ARHGAP39: variants seen among roughly 807,000 people sequenced by gnomAD.
ARHGAP39 encodes Rho GTPase activating protein 39, also known as rho GTPase-activating protein 39.
A neutral mutation model predicts 106.9 loss-of-function variants in ARHGAP39; 44 were observed. The observed-to-expected ratio is 0.41, with a 90% CI of 0.32 to 0.53. The LOEUF is 0.53. Ranked by LOEUF, ARHGAP39 falls within the 20% of genes least tolerant of loss-of-function variation. The pLI, the probability that ARHGAP39 is intolerant of heterozygous loss-of-function variation, is 0.21. For synonymous variants in ARHGAP39, 768 were observed against 693.2 expected (o/e 1.11, Z -1.69); for missense variants, 1,496 against 1,577.3 (o/e 0.95, Z 0.87).
chr8:144,615,782 C>A (rs1287231378), intron 1 of ARHGAP39, among the ~76,000 whole-genome samples: 6 of 152,256 alleles, frequency 3.9e-5, no homozygotes, highest in African/African-American at 1.4e-4. Flanking sequence ...GAGCTGGAGA[C>A]ACAAGGCCCC....
intron 1 of ARHGAP39, among the ~76,000 whole-genome samples, chr8:144,653,323 T>G (rs981189363): frequency 2.6e-5 from 4 of 151,806 alleles, no homozygotes; most frequent in African/African-American, 9.7e-5. Context: ...TAAAAGAAAA[T>G]TATTGAAATA....
In ARHGAP39 at chr8:144,644,059, C is replaced by T. The variant is rs971524353; in HGVS notation, c.-81-38364G>A. 2.2e-4 allele frequency among the ~76,000 whole-genome samples: 34 copies of T among 152,126 alleles called. No individual in the cohort carries two copies. The highest frequency in any genetic ancestry group is 7.2e-4 in the African/African-American group (30 of 41,402). On this transcript the variant is annotated intron_variant, in intron 1 of 11. Transcript: ENST00000377307. This position sits in a 1 kb window ranked among gnomAD's most constrained non-coding sequence, Gnocchi z 4.8. ...ACCACGTGACCCAGCAATTCCACTCCCAGGAATCTAGTCGGGAGACATGAA... is the reference window on the plus strand; with the variant it reads ...ACCACGTGACCCAGCAATTCCACTCTCAGGAATCTAGTCGGGAGACATGAA...
At chr8:144,566,856 A>G (rs1016241417) in intron 3 of ARHGAP39, among the ~76,000 whole-genome samples, 4 of 147,910 alleles carry the variant, frequency 2.7e-5, no homozygotes, top group African/African-American at 1.1e-4. Context: ...CTCCATCTCA[A>G]AAAAAGAAAA....
chr8:144,544,751 C>T (rs1817337749), intron 6 of ARHGAP39, among the ~76,000 whole-genome samples: 1 of 152,246 alleles, frequency 6.6e-6, no homozygotes, highest in Non-Finnish European at 1.5e-5. Flanking sequence ...AGCTCAGGTG[C>T]TGCGTGACCT....
In ARHGAP39 at chr8:144,581,297, A is replaced by T. The variant is rs2620647; in HGVS notation, c.81-20T>A. 1 of 1,530,624 alleles carries T rather than the reference A, an allele frequency of 6.5e-7. No homozygotes were observed. The highest frequency in any genetic ancestry group is 1.2e-5 in the South Asian group (1 of 81,178). The allele number at this position is 1,530,624 out of a possible 1,614,324, so 94.8% of individuals were successfully genotyped here. On this transcript the variant is annotated intron_variant, in intron 2 of 11. Transcript: ENST00000377307. ...TCCAACCTGGGGAGAGACAGGGTTA[A>T]GGCGGCTGGAGCCACGGCGGCCTGG... is the stretch of plus-strand genomic sequence containing the variant.
At chr8:144,554,360 C>A (rs1234711779) in intron 4 of ARHGAP39, among the ~76,000 whole-genome samples, 1 of 152,224 alleles carries the variant, frequency 6.6e-6, no homozygotes, top group Non-Finnish European at 1.5e-5. Flanking sequence ...GTCCTCCTCA[C>A]CTCACCTGGG....
At position 144,547,451 on chromosome 8, in the gene ARHGAP39, C is replaced by A; in HGVS notation, c.1635G>T (p.Gly545=). 1 of 1,566,166 alleles carries A rather than the reference C, an allele frequency of 6.4e-7. No individual in the cohort carries two copies. The highest frequency in any genetic ancestry group is 8.6e-7 in the Non-Finnish European group (1 of 1,162,798). The part of the protein sequence containing the change: ...PVKRAEGEAE[G]ARGAAEPFLA... ...GGAAGGGCTCGGCCGCGCCCCGCGC[C>A]CCTTCGGCCTCACCTTCCGCTCGCT... The change falls in exon 5 of 12, where the codon GGG becomes GGT. Residue 545 remains glycine (G), a synonymous_variant. Transcript: ENST00000377307. This position sits in a 1 kb window ranked among gnomAD's most constrained non-coding sequence, Gnocchi z 5.2.
In ARHGAP39 at chr8:144,683,814, TTTACATTACA is replaced by T. The variant is rs1434553472; in HGVS notation, c.-82+1862_-82+1871del. 1.1e-4 allele frequency among the ~76,000 whole-genome samples: 17 copies of T among 152,136 alleles called. No individual in the cohort carries two copies. In the South Asian group the frequency reaches 3.1e-3, roughly 28 times the overall value. On this transcript the variant is annotated intron_variant, in intron 1 of 11. Transcript: ENST00000377307. ...CTTCCAGCTTAATGTAAACTTCCAGTTTACATTACATTGGCAGTGCTGGAGAAACTGAAGA... is the reference window on the plus strand; with the variant it reads ...CTTCCAGCTTAATGTAAACTTCCAGTTTGGCAGTGCTGGAGAAACTGAAGA...
chr8:144,658,415 C>T lies in ARHGAP39; in HGVS notation c.-82+27271G>A, dbSNP rs537427248. The stretch of plus-strand genomic sequence containing the variant: ...TCAGCCTCCCAAGTAGCTGGGATTA[C>T]AGGCATGTGCCACCATGCCCAGCTA... On this transcript the variant is annotated intron_variant, in intron 1 of 11. Coordinates refer to ENST00000377307, the MANE Select transcript of ARHGAP39 (RefSeq NM_025251.3). 2.8e-4 allele frequency among the ~76,000 whole-genome samples: 42 copies of T among 152,280 alleles called. 1 individual carries two copies. In the South Asian group the frequency reaches 8.7e-3, roughly 32 times the overall value.
At chr8:144,558,428 G>T (rs1444505419) in intron 3 of ARHGAP39, among the ~76,000 whole-genome samples, 2 of 152,018 alleles carry the variant, frequency 1.3e-5, no homozygotes, top group Non-Finnish European at 2.9e-5. Context: ...AAGTAGCTGG[G>T]ACTATAGGCA....
At position 144,557,241 on chromosome 8, in the gene ARHGAP39, CAAAGGCTGAACCTTCGTAGTATTCAGT is replaced by C. The variant is rs1329681848; in HGVS notation, c.513-1625_513-1599del. Among the ~76,000 whole-genome samples, 21 of 146,302 alleles carry C rather than the reference CAAAGGCTGAACCTTCGTAGTATTCAGT, an allele frequency of 1.4e-4. 4 individuals are homozygous for C. Among genetic ancestry groups the C allele is most frequent in the African/African-American group, 3.8e-4 (14 of 36,972 alleles). On this transcript the variant is annotated intron_variant, in intron 3 of 11. Coordinates refer to ENST00000377307, the MANE Select transcript of ARHGAP39 (RefSeq NM_025251.3). ...GCTGAACCTTCGTAGTATTCAGAGGCAAAGGCTGAACCTTCGTAGTATTCAGTGGCAAAGGCTGAACCTTCGTAGTAT... is the reference window on the plus strand; with the variant it reads ...GCTGAACCTTCGTAGTATTCAGAGGCGGCAAAGGCTGAACCTTCGTAGTAT...
At chr8:144,562,071 C>T (rs867474608) in intron 3 of ARHGAP39, among the ~76,000 whole-genome samples, 1 of 129,236 alleles carries the variant, frequency 7.7e-6, no homozygotes, top group African/African-American at 3.8e-5. Context: ...ATCGGACTTA[C>T]TCCAGTGGTT....
intron 1 of ARHGAP39, among the ~76,000 whole-genome samples, chr8:144,610,638 G>T (rs910799986): frequency 6.6e-6 from 1 of 151,972 alleles, no homozygotes; most frequent in South Asian, 2.1e-4. Context: ...CGTGAACCTG[G>T]GAGGCAGAGC....
intron 1 of ARHGAP39, among the ~76,000 whole-genome samples, chr8:144,655,225 G>A (rs544969719): frequency 6.6e-6 from 1 of 152,266 alleles, no homozygotes; most frequent in African/African-American, 2.4e-5. Flanking sequence ...GGACTGGAGT[G>A]GGAAGTTGTG....
At chr8:144,532,259 T>G (rs758403004) in intron 10 of ARHGAP39, 46 bp downstream of exon 10, 22 of 1,590,084 alleles carry the variant, frequency 1.4e-5, no homozygotes, top group Non-Finnish European at 1.9e-5. Flanking sequence ...TGAGAACCAC[T>G]GCCTGAGCCA....
the ARHGAP39 span, among the ~76,000 whole-genome samples, chr8:144,696,330 G>A: frequency 6.8e-6 from 1 of 147,594 alleles, no homozygotes; most frequent in Non-Finnish European, 1.5e-5. Context: ...GTAGAGACGG[G>A]GTTTCGCCAC....
At chr8:144,549,248 C>T (rs1233948326) in intron 4 of ARHGAP39, among the ~76,000 whole-genome samples, 1 of 152,262 alleles carries the variant, frequency 6.6e-6, no homozygotes, top group African/African-American at 2.4e-5. Context: ...GGCACTGGTC[C>T]TGTGTCCACA....
At chr8:144,595,927 C>T (rs969035068) in intron 2 of ARHGAP39, among the ~76,000 whole-genome samples, 5 of 152,166 alleles carry the variant, frequency 3.3e-5, no homozygotes, top group Admixed American at 2.6e-4. Context: ...CTCTTTGCCA[C>T]GCTGCTCCTC....
At chr8:144,648,743 C>T (rs902214008) in intron 1 of ARHGAP39, among the ~76,000 whole-genome samples, 7 of 152,236 alleles carry the variant, frequency 4.6e-5, no homozygotes, top group Admixed American at 1.3e-4. Context: ...GCTAGCTGAG[C>T]TGAATGACTT....
Sources: gnomAD v4.1 joint callset for allele counts (sites outside exome capture counted in the v4.1 genomes callset) on GRCh38, gnomAD v4.1.1 for gene constraint, Gnocchi (gnomAD v3.1) non-coding constraint, MANE v1.5 for transcripts, NCBI Gene and HGNC (gene_info 2026-07-23, HGNC 2026-07-21) for gene names.